Variants in SEL1L3 observed in about 807,000 individuals in gnomAD.
SEL1L3 encodes the protein SEL1L family member 3.
A neutral mutation model predicts 142.8 loss-of-function variants in SEL1L3; 76 were observed. That is an observed-to-expected ratio of 0.53 (90% CI 0.44 to 0.64). SEL1L3 has a LOEUF of 0.64. SEL1L3 is among the 30% of genes least tolerant of loss of function. The pLI is 0.00. For synonymous variants in SEL1L3, 504 were observed against 519.6 expected (o/e 0.97, Z 0.41); for missense variants, 1,262 against 1,381.7 (o/e 0.91, Z 1.37).
Position 25,804,706 on chromosome 4 carries a change from T to C in SEL1L3, c.1611A>G (p.Ile537Met). The C allele has an allele frequency of 6.2e-7, 1 of 1,613,916 alleles. No individual in the cohort carries two copies. Among genetic ancestry groups the C allele is most frequent in the Non-Finnish European group, 8.5e-7 (1 of 1,179,798 alleles). The change falls in exon 10 of 24, where the codon ATA becomes ATG. Residue 537 changes from isoleucine to methionine, a missense_variant. Transcript: ENST00000399878. ...AGAGTCTCTTTACAGCCTTCTCAAA[T>C]ATCTTCCCACCGATTTCTGATACAG... ...NESVSEIGGK[I>M]FEKAVKRLSS...
chr4:25,804,696 C>G lies in SEL1L3; in HGVS notation c.1621G>C (p.Ala541Pro), dbSNP rs368511435. Residue 541 changes from alanine to proline, a missense_variant, in exon 10 of 24, where the codon GCT (alanine) becomes CCT (proline). Around this residue, in one of 3 missense-constraint regions of SEL1L3, gnomAD observed 689 missense variants for 692.8 expected, o/e 0.99. Transcript: ENST00000399878. ...TCAATGCTAGAGAGTCTCTTTACAG[C>G]CTTCTCAAATATCTTCCCACCGATT... The part of the protein sequence containing the change: ...SEIGGKIFEK[A>P]VKRLSSIDGL... 1.2e-6 allele frequency: 2 copies of G among 1,613,746 alleles called. No homozygotes were observed. Among genetic ancestry groups the G allele is most frequent in the Non-Finnish European group, 1.7e-6 (2 of 1,179,782 alleles).
chr4:25,733,442 T>C, the SEL1L3 span, among the ~76,000 whole-genome samples: 9 of 151,886 alleles, frequency 5.9e-5, no homozygotes, highest in Non-Finnish European at 1.2e-4. Context: ...CAAAACATAA[T>C]TTTTTTAATG....
Position 25,862,824 on chromosome 4 carries a change from C to T in SEL1L3, c.13G>A (p.Gly5Ser). ...TGCCGCGGCCACCCGAGCCCCGCGC[C>T]GCGCCGCTGCATGGCGAGGCCGCCC... MQRR[G>S]AGLGWPRQQQ... The change falls in exon 1 of 24, where the codon GGC (glycine) becomes AGC (serine). Residue 5 changes from glycine (G) to serine (S), a missense_variant. Gly to Ser is a moderately conservative substitution (Grantham distance 56). Transcript: ENST00000399878. The T allele has an allele frequency of 8.8e-7, 1 of 1,134,822 alleles. No individual in the cohort carries two copies. Among genetic ancestry groups the T allele is most frequent in the African/African-American group, 1.6e-5 (1 of 60,774 alleles). 70.3% of individuals were successfully genotyped at this position (1,134,822 alleles called of 1,614,324 possible). A position where few individuals can be genotyped will look rare whatever the true frequency, so the allele number is the denominator to read the frequency against.
intron 7 of SEL1L3, 61 bp downstream of exon 7, chr4:25,821,935 C>A (rs558586902): frequency 1.9e-6 from 3 of 1,558,826 alleles, no homozygotes; most frequent in South Asian, 1.2e-5. Context: ...GGGTGGCACA[C>A]CCCTGAGGCC....
intron 1 of SEL1L3, among the ~76,000 whole-genome samples, chr4:25,858,827 G>A (rs1053977351): frequency 6.6e-6 from 1 of 152,140 alleles, no homozygotes; most frequent in Admixed American, 6.5e-5. Context: ...CTCGTGATCC[G>A]CCTGCTTCGG....
intron 23 of SEL1L3, chr4:25,755,904 A>T: frequency 7.1e-6 from 7 of 985,246 alleles, no homozygotes; most frequent in Non-Finnish European, 7.2e-6. Flanking sequence ...AAAATAAATG[A>T]CTATACCTGG....
chr4:25,798,657 G>A lies in SEL1L3; in HGVS notation c.1956+3626C>T, dbSNP rs115870732. ...AGCCTGGCCAACATGGTGAAATCCC[G>A]TCTTCCCTAAAAATACAAAAATTAG... On this transcript the variant is annotated intron_variant, in intron 11 of 23. Coordinates refer to ENST00000399878, the MANE Select transcript of SEL1L3 (RefSeq NM_015187.5). Among the ~76,000 whole-genome samples, 446 of 152,218 alleles carry A rather than the reference G, an allele frequency of 2.9e-3. 4 individuals are homozygous for A. The highest frequency in any genetic ancestry group is 0.01 in the African/African-American group (420 of 41,544).
intron 9 of SEL1L3, among the ~76,000 whole-genome samples, chr4:25,805,761 C>CACTA (rs1214501705): frequency 2.0e-5 from 3 of 152,172 alleles, no homozygotes; most frequent in Admixed American, 6.5e-5. Flanking sequence ...ATGTGCAAGG[C>CACTA]ACTATGCTAG....
chr4:25,771,216 T>C lies in SEL1L3; in HGVS notation c.2670-3386A>G, dbSNP rs76989558. On this transcript the variant is annotated intron_variant, in intron 17 of 23. Coordinates refer to ENST00000399878, the MANE Select transcript of SEL1L3 (RefSeq NM_015187.5). The stretch of plus-strand genomic sequence containing the variant: ...AAGACAAGCTGCAAAACTATTGTCC[T>C]TCCTTGAATTTCCTCAAGCTTTAGA... 1.9e-3 allele frequency among the ~76,000 whole-genome samples: 282 copies of C among 152,362 alleles called. 3 individuals carry two copies. Among genetic ancestry groups the C allele is most frequent in the African/African-American group, 6.6e-3 (275 of 41,584 alleles).
At chr4:25,750,091 G>A (rs374590814) in intron 23 of SEL1L3, among the ~76,000 whole-genome samples, 17 of 152,122 alleles carry the variant, frequency 1.1e-4, no homozygotes, top group African/African-American at 3.6e-4. Flanking sequence ...AAAATTAGCC[G>A]GGCGTGGTGG....
At chr4:25,828,255 A>G (rs1230728562) in intron 6 of SEL1L3, among the ~76,000 whole-genome samples, 1 of 152,176 alleles carries the variant, frequency 6.6e-6, no homozygotes, top group Admixed American at 6.5e-5. Flanking sequence ...ATATGCCCAG[A>G]GCCTAAAAGA....
chr4:25,861,397 G>T lies in SEL1L3; in HGVS notation c.162+1278C>A, dbSNP rs990167743. Among the ~76,000 whole-genome samples, 5 of 152,288 alleles carry T rather than the reference G, an allele frequency of 3.3e-5. No individual in the cohort carries two copies. In the East Asian group the frequency reaches 5.8e-4, roughly 18 times the overall value. On this transcript the variant is annotated intron_variant, in intron 1 of 23. Transcript: ENST00000399878. ...GAGTAAAAGCACGGATTGCTCAACA[G>T]GTAGATGCACAGGCAGAATTATAAT...
At chr4:25,845,653 C>A (rs1425913826) in intron 2 of SEL1L3, among the ~76,000 whole-genome samples, 2 of 151,908 alleles carry the variant, frequency 1.3e-5, no homozygotes, top group African/African-American at 4.9e-5. Context: ...TCATTATTTC[C>A]CCCAAAGATA....
At chr4:25,835,581 G>A (rs1715767227) in intron 2 of SEL1L3, among the ~76,000 whole-genome samples, 1 of 152,206 alleles carries the variant, frequency 6.6e-6, no homozygotes, top group Admixed American at 6.5e-5. Context: ...AAAGCCCGAG[G>A]CTAAGTTCAC....
chr4:25,810,570 A>G (rs1160805165), intron 9 of SEL1L3, among the ~76,000 whole-genome samples: 1 of 152,256 alleles, frequency 6.6e-6, no homozygotes, highest in African/African-American at 2.4e-5. Flanking sequence ...CATTAGAAAA[A>G]GCCCAAATGC....
intron 9 of SEL1L3, among the ~76,000 whole-genome samples, chr4:25,805,706 T>C (rs748254799): frequency 2.6e-5 from 4 of 152,224 alleles, no homozygotes; most frequent in Non-Finnish European, 5.9e-5. Context: ...ATCTTTGTTA[T>C]TCATATCTCT....
rs770910270 is a variant in SEL1L3, at chr4:25,748,443, G to A, written c.3381C>T (p.Asn1127=). 2 of 1,611,012 alleles carry A rather than the reference G, an allele frequency of 1.2e-6. No individual in the cohort carries two copies. Among genetic ancestry groups the A allele is most frequent in the Non-Finnish European group, 8.5e-7 (1 of 1,178,840 alleles). ...SDQDQPTVTN[N]PEPRG ...GCACAGTTCACCCACGTGGCTCCGG[G>A]TTATTAGTTACTGTGGGCTGGTCTT... is the stretch of plus-strand genomic sequence containing the variant. The change falls in exon 24 of 24, where the codon AAC becomes AAT. Residue 1127 remains asparagine (N), a synonymous_variant. Coordinates refer to ENST00000399878, the MANE Select transcript of SEL1L3 (RefSeq NM_015187.5).
At chr4:25,765,998 A>G (rs1260717723) in intron 19 of SEL1L3, among the ~76,000 whole-genome samples, 1 of 152,092 alleles carries the variant, frequency 6.6e-6, no homozygotes, top group African/African-American at 2.4e-5. Context: ...TCAGTCTACA[A>G]CCTTGCTGCC....
chr4:25,766,958 T>C (rs866875013), intron 19 of SEL1L3, among the ~76,000 whole-genome samples: 4 of 152,042 alleles, frequency 2.6e-5, no homozygotes, highest in African/African-American at 9.7e-5. Context: ...AGAGAATTGC[T>C]CCATAATAGC....
Sources: gnomAD v4.1 joint callset for allele counts (sites outside exome capture counted in the v4.1 genomes callset) on GRCh38, gnomAD v4.1.1 for gene constraint, gnomAD v4.1.1 regional missense constraint, MANE v1.5 for transcripts, NCBI Gene and HGNC (gene_info 2026-07-23, HGNC 2026-07-21) for gene names.